KLKB1: variants seen among roughly 807,000 people sequenced by gnomAD.
The protein encoded by KLKB1 is kallikrein B1.
In KLKB1, 58 loss-of-function variants were observed where a neutral mutation model predicts 73.6. The observed-to-expected ratio is 0.79, with a 90% CI of 0.64 to 0.98. KLKB1 has a LOEUF of 0.98. Ranked by LOEUF, KLKB1 falls within the 50% of genes least tolerant of loss-of-function variation. KLKB1 has a pLI of 0.00. For missense variants in KLKB1, 737 were observed against 763.8 expected, an observed-to-expected ratio of 0.96 and a Z score of 0.41; for synonymous variants, 280 against 258.1, an observed-to-expected ratio of 1.08 and a Z score of -0.81.
chr4:186,238,298 C>A lies in KLKB1; in HGVS notation c.531C>A (p.Thr177=). ...LLKYSPGGTP[T]AIKVLSNVES... ...AGTACAGTCCCGGAGGAACACCTAC[C>A]GCTATAAAGGTGCTGAGTAACGTGG... Residue 177 remains threonine, a synonymous_variant, in exon 6 of 15, where the codon ACC becomes ACA. Coordinates refer to ENST00000264690, the MANE Select transcript of KLKB1 (RefSeq NM_000892.5). 4 of 1,613,848 alleles carry A rather than the reference C, an allele frequency of 2.5e-6. No homozygotes were observed. Among genetic ancestry groups the A allele is most frequent in the Non-Finnish European group, 2.5e-6 (3 of 1,179,794 alleles).
chr4:186,236,922 T>C lies in KLKB1; in HGVS notation c.470T>C (p.Phe157Ser), dbSNP rs974170666. ...CQFFSYATQT[F>S]HKAEYRNNCL... is the part of the protein sequence containing the mutation. ...TTTTTTTCATATGCCACGCAAACAT[T>C]TCACAAGGCAGAGTACCGGTGAGTA... Residue 157 changes from phenylalanine (F) to serine (S), a missense_variant, in exon 5 of 15, where the codon TTT (phenylalanine) becomes TCT (serine). Transcript: ENST00000264690. 3.7e-6 allele frequency: 6 copies of C among 1,613,970 alleles called. No homozygotes were observed. The highest frequency in any genetic ancestry group is 4.2e-6 in the Non-Finnish European group (5 of 1,180,010).
At chr4:186,228,676 A>C (rs1223186380) in intron 2 of KLKB1, among the ~76,000 whole-genome samples, 1 of 152,252 alleles carries the variant, frequency 6.6e-6, no homozygotes, top group Non-Finnish European at 1.5e-5. Context: ...AACACCATAC[A>C]TAGTTTTACT....
intron 14 of KLKB1, 103 bp from the exon 15 acceptor site, chr4:186,257,918 G>A (rs949907557): frequency 1.0e-6 from 1 of 984,100 alleles, no homozygotes. Context: ...GTATCTGTGT[G>A]TGTGTGTTGC....
At chr4:186,211,372 G>A (rs1232697612) in intron 2 of KLKB1, 2 of 151,748 alleles carry the variant, frequency 1.3e-5, no homozygotes, top group Non-Finnish European at 2.9e-5. Context: ...GGAACGCAGT[G>A]GTGACATCTC....
intron 2 of KLKB1, 127 bp from the exon 3 acceptor site, chr4:186,232,000 A>T: frequency 1.5e-6 from 1 of 653,016 alleles, no homozygotes; most frequent in Non-Finnish European, 2.5e-6. Flanking sequence ...TTTTCTCAGC[A>T]TAATTAGAGT....
chr4:186,257,178 G>C, intron 13 of KLKB1, 48 bp from the exon 14 acceptor site: 2 of 1,011,298 alleles, frequency 2.0e-6, no homozygotes, highest in Non-Finnish European at 2.9e-6. Flanking sequence ...TATTATTTAA[G>C]TTATTATTAT....
rs1340485490 is a variant in KLKB1, at chr4:186,254,726, C to T, written c.1452C>T (p.Ile484=). The stretch of plus-strand genomic sequence containing the variant: ...AAGTCTCAGAAGGGAATCATGATAT[C>T]GCCTTGATAAAACTCCAGGCTCCTT... The part of the protein sequence containing the change: ...NYKVSEGNHD[I]ALIKLQAPLN... Residue 484 remains isoleucine (I), a synonymous_variant, in exon 12 of 15, where the codon ATC becomes ATT. Coordinates refer to ENST00000264690, the MANE Select transcript of KLKB1 (RefSeq NM_000892.5). 3 of 1,613,592 alleles carry T rather than the reference C, an allele frequency of 1.9e-6. No homozygotes were observed. The highest frequency in any genetic ancestry group is 1.7e-5 in the Admixed American group (1 of 59,998).
chr4:186,226,637 A>C (rs997524275), upstream of KLKB1: 1 of 152,388 alleles, frequency 6.6e-6, no homozygotes, highest in Non-Finnish European at 1.5e-5. Context: ...TAACATGGGG[A>C]TCACCTGGCA....
intron 6 of KLKB1, among the ~76,000 whole-genome samples, chr4:186,248,680 A>T (rs1388472095): frequency 2.3e-5 from 3 of 132,820 alleles, no homozygotes; most frequent in African/African-American, 5.8e-5. Flanking sequence ...AAATTCTCTT[A>T]TGTATATACT....
At chr4:186,237,008 C>A (rs1409039027) in intron 5 of KLKB1, 68 bp downstream of exon 5, 5 of 1,531,998 alleles carry the variant, frequency 3.3e-6, no homozygotes, top group African/African-American at 2.7e-5. Flanking sequence ...TTCTTCTTAA[C>A]CTCTTTTGTT....
chr4:186,224,229 G>A (rs555542916), upstream of KLKB1, among the ~76,000 whole-genome samples: 31 of 152,370 alleles, frequency 2.0e-4, 1 homozygote, highest in Middle Eastern at 6.8e-3. Context: ...TATTAGGGCA[G>A]TGCAGAGGTG....
chr4:186,215,352 C>T (rs1736864154), intron 2 of KLKB1, among the ~76,000 whole-genome samples: 1 of 44,998 alleles, frequency 2.2e-5, no homozygotes, highest in African/African-American at 4.6e-5. Context: ...TTCTTTCCTT[C>T]TTTCTTTCCT....
upstream of KLKB1, among the ~76,000 whole-genome samples, chr4:186,224,652 G>T (rs569960038): frequency 1.6e-4 from 24 of 152,302 alleles, 1 homozygote; most frequent in African/African-American, 5.1e-4. Context: ...TAACTAACTT[G>T]TTTTTTATTT....
chr4:186,230,204 G>C (rs1296198174), intron 2 of KLKB1, among the ~76,000 whole-genome samples: 1 of 152,070 alleles, frequency 6.6e-6, no homozygotes, highest in Non-Finnish European at 1.5e-5. Context: ...TCCATCATTT[G>C]CAATCAAAAC....
upstream of KLKB1, among the ~76,000 whole-genome samples, chr4:186,223,279 A>C (rs1400098228): frequency 6.6e-6 from 1 of 152,214 alleles, no homozygotes; most frequent in Non-Finnish European, 1.5e-5. Context: ...CTATAAAGAC[A>C]ACCTGAAAAT....
intron 11 of KLKB1, among the ~76,000 whole-genome samples, chr4:186,254,173 T>C (rs1738858995): frequency 6.6e-6 from 1 of 152,246 alleles, no homozygotes; most frequent in African/African-American, 2.4e-5. Context: ...CCTCCTACTT[T>C]GACTAATTAG....
rs781068656 is a variant in KLKB1 at position 186,251,512 on chromosome 4, G to A, written c.894G>A (p.Pro298=). Reference sequence around the variant, plus strand: ...AACCCTGCCATTCTAAAATTTACCCGGGAGTTGACTTTGGAGGAGAAGAAT... The same window carrying A: ...AACCCTGCCATTCTAAAATTTACCCAGGAGTTGACTTTGGAGGAGAAGAAT... ...LPEPCHSKIY[P]GVDFGGEELN... The change falls in exon 9 of 15, where the codon CCG becomes CCA. Residue 298 remains proline (P), a synonymous_variant. Transcript: ENST00000264690. 22 of 1,613,900 alleles carry A rather than the reference G, an allele frequency of 1.4e-5. No individual in the cohort carries two copies. Among genetic ancestry groups the A allele is most frequent in the South Asian group, 5.5e-5 (5 of 91,078 alleles).
intron 6 of KLKB1, among the ~76,000 whole-genome samples, chr4:186,247,478 G>A (rs901355331): frequency 7.2e-5 from 11 of 152,248 alleles, no homozygotes; most frequent in East Asian, 1.9e-4. Flanking sequence ...ACAAGGTAAC[G>A]TCATCAGTTA....
In KLKB1 at chr4:186,258,368, G is replaced by A; in HGVS notation, c.*156G>A. 1 of 745,142 alleles carries A rather than the reference G, an allele frequency of 1.3e-6. No individual in the cohort carries two copies. Among genetic ancestry groups the A allele is most frequent in the East Asian group, 2.7e-5 (1 of 37,128 alleles). The allele number at this position is 745,142 out of a possible 1,614,324, so 46.2% of individuals were successfully genotyped here. ...CTCAGAGCTGCTGAGGACAATGTCT[G>A]GCTGAAGCCCGCTTTCAGCACGCCG... On this transcript the variant is annotated 3_prime_UTR_variant, in exon 15 of 15. Coordinates refer to ENST00000264690, the MANE Select transcript of KLKB1 (RefSeq NM_000892.5).
Sources: allele counts gnomAD v4.1 joint callset (sites outside exome capture counted in the v4.1 genomes callset), GRCh38; gene constraint gnomAD v4.1.1; transcripts MANE v1.5; gene names NCBI Gene and HGNC (gene_info 2026-07-23, HGNC 2026-07-21).